Variants in GALNT17 observed in about 807,000 individuals in gnomAD.
GALNT17 encodes polypeptide N-acetylgalactosaminyltransferase 17.
A neutral mutation model predicts 63.7 loss-of-function variants in GALNT17; 29 were observed. The ratio of observed to expected loss-of-function variants is 0.46; its 90% CI spans 0.34 to 0.62. GALNT17 has a LOEUF of 0.62. Among genes scored for constraint, GALNT17 ranks in the 20% least tolerant of loss-of-function variants. The pLI is 0.01. For missense variants in GALNT17, 603 were observed against 799.6 expected (o/e 0.75, Z 2.97); for synonymous variants, 305 against 318.3 (o/e 0.96, Z 0.45).
intron 2 of GALNT17, among the ~76,000 whole-genome samples, chr7:71,383,950 A>G (rs747366682): frequency 3.0e-4 from 45 of 152,122 alleles, no homozygotes; most frequent in Non-Finnish European, 5.3e-4. Context: ...CTCTGCTTTC[A>G]GTTCTTCTGG....
At chr7:71,205,634 A>G (rs1477546169) in intron 1 of GALNT17, among the ~76,000 whole-genome samples, 1 of 152,058 alleles carries the variant, frequency 6.6e-6, no homozygotes, top group Non-Finnish European at 1.5e-5. Flanking sequence ...TATGTTGCCT[A>G]GGCTGGTTTT....
chr7:71,696,745 G>A (rs376579468), intron 9 of GALNT17, among the ~76,000 whole-genome samples: 4 of 152,144 alleles, frequency 2.6e-5, no homozygotes, highest in East Asian at 1.9e-4. Context: ...AATGCATTAG[G>A]GTGTGGATAA....
intron 5 of GALNT17, among the ~76,000 whole-genome samples, chr7:71,540,965 G>A (rs1022184580): frequency 3.0e-4 from 45 of 152,080 alleles, no homozygotes; most frequent in African/African-American, 7.9e-4. Context: ...CCAGCCGGGC[G>A]CGGTGGCTCA....
intron 1 of GALNT17, among the ~76,000 whole-genome samples, chr7:71,283,701 C>T (rs1233956913): frequency 1.3e-5 from 2 of 152,004 alleles, no homozygotes; most frequent in Non-Finnish European, 2.9e-5. Flanking sequence ...CCCATGCTGC[C>T]GTTCTTGTGA....
intron 1 of GALNT17, among the ~76,000 whole-genome samples, chr7:71,253,733 G>GT: frequency 6.6e-6 from 1 of 152,044 alleles, no homozygotes; most frequent in East Asian, 1.9e-4. Flanking sequence ...ATAGGTACAG[G>GT]TAAGAATTTC....
chr7:71,339,988 A>G (rs540199079), intron 2 of GALNT17, among the ~76,000 whole-genome samples: 1 of 152,352 alleles, frequency 6.6e-6, no homozygotes, highest in African/African-American at 2.4e-5. Flanking sequence ...AAATTTTGGA[A>G]GATGGAAAGA....
At chr7:71,464,260 A>G (rs530459065) in intron 5 of GALNT17, among the ~76,000 whole-genome samples, 1 of 152,272 alleles carries the variant, frequency 6.6e-6, no homozygotes, top group South Asian at 2.1e-4. Flanking sequence ...GTTGAACTTG[A>G]TCAGGTATCA....
At chr7:71,369,840 A>C (rs1792588970) in intron 2 of GALNT17, among the ~76,000 whole-genome samples, 1 of 150,206 alleles carries the variant, frequency 6.7e-6, no homozygotes, top group African/African-American at 2.4e-5. Flanking sequence ...AAAAAAAAGA[A>C]CAAAAACTAT....
intron 5 of GALNT17, among the ~76,000 whole-genome samples, chr7:71,501,124 A>G (rs991272539): frequency 6.6e-6 from 1 of 151,126 alleles, no homozygotes; most frequent in Non-Finnish European, 1.5e-5. Flanking sequence ...CGCTACCACC[A>G]TGCTCAGCTA....
At chr7:71,234,136 C>T (rs1483412381) in intron 1 of GALNT17, among the ~76,000 whole-genome samples, 2 of 152,194 alleles carry the variant, frequency 1.3e-5, no homozygotes, top group African/African-American at 2.4e-5. Context: ...CATATCAACA[C>T]ACTTCTTGCT....
intron 1 of GALNT17, among the ~76,000 whole-genome samples, chr7:71,242,556 C>T (rs181562274): frequency 1.4e-4 from 21 of 152,240 alleles, no homozygotes; most frequent in Non-Finnish European, 2.9e-4. Flanking sequence ...GTGTGAGCCA[C>T]CGCGCCTGGT....
intron 1 of GALNT17, among the ~76,000 whole-genome samples, chr7:71,149,120 G>A (rs1306997750): frequency 6.6e-6 from 1 of 151,784 alleles, no homozygotes; most frequent in Non-Finnish European, 1.5e-5. Flanking sequence ...GAGTCTTGCT[G>A]TGTTGCCCGG....
chr7:71,565,931 C>A (rs910599474), intron 5 of GALNT17, among the ~76,000 whole-genome samples: 1 of 149,386 alleles, frequency 6.7e-6, no homozygotes, highest in Admixed American at 6.7e-5. Flanking sequence ...GCAACCTCTG[C>A]CTCCTGGGTT....
rs1316036947 is a variant in GALNT17, at chr7:71,163,050, G to A, written c.238+30010G>A. 3.3e-5 allele frequency among the ~76,000 whole-genome samples: 5 copies of A among 152,350 alleles called. No individual in the cohort carries two copies. In the East Asian group the frequency reaches 9.6e-4, roughly 29 times the overall value. ...GGCAACTTGGATATGTTTGGAGGTA[G>A]TGAGAAGTGGTCAGATCCTGAATAT... On this transcript the variant is annotated intron_variant, in intron 1 of 10. Coordinates refer to ENST00000333538, the MANE Select transcript of GALNT17 (RefSeq NM_022479.3).
At position 71,311,931 on chromosome 7, in the gene GALNT17, C is replaced by T. The variant is rs759438281; in HGVS notation, c.239-23619C>T. ...TAGGAGGTAGAACTTGACTCTGGAC[C>T]GGATTGAAGACTGGTTGAAACAGGG... is the stretch of plus-strand genomic sequence containing the variant. On this transcript the variant is annotated intron_variant, in intron 1 of 10. Coordinates refer to ENST00000333538, the MANE Select transcript of GALNT17 (RefSeq NM_022479.3). Among the ~76,000 whole-genome samples, 6 of 152,080 alleles carry T rather than the reference C, an allele frequency of 3.9e-5. No individual in the cohort carries two copies. In the East Asian group the frequency reaches 5.8e-4, roughly 15 times the overall value.
At chr7:71,281,479 C>T (rs184270974) in intron 1 of GALNT17, among the ~76,000 whole-genome samples, 12 of 152,348 alleles carry the variant, frequency 7.9e-5, no homozygotes, top group Non-Finnish European at 1.3e-4. Context: ...AATTTCAAAA[C>T]GGCTGCTGCA....
Position 71,572,504 on chromosome 7 carries a change from TAAAAA to T in GALNT17, c.1080+1124_1080+1128del, listed in dbSNP as rs371372359. ...GCAACAGAGCAAGACCCTGTCTCAT[TAAAAA>T]AAAAAAAAAAAAAAAAAAAAACTAC... On this transcript the variant is annotated intron_variant, in intron 6 of 10. Transcript: ENST00000333538. 1.1e-4 allele frequency among the ~76,000 whole-genome samples: 5 copies of T among 44,504 alleles called. 1 individual carries two copies. Among genetic ancestry groups the T allele is most frequent in the African/African-American group, 5.2e-4 (5 of 9,612 alleles). 29.2% of individuals were successfully genotyped at this position (44,504 alleles called of 152,430 possible).
intron 1 of GALNT17, among the ~76,000 whole-genome samples, chr7:71,263,047 G>A (rs1262479324): frequency 3.3e-5 from 5 of 152,090 alleles, no homozygotes; most frequent in Admixed American, 2.0e-4. Flanking sequence ...AAGACCATAT[G>A]AGGTTGCACA....
At chr7:71,616,226 G>T (rs1410375434) in intron 6 of GALNT17, among the ~76,000 whole-genome samples, 2 of 151,980 alleles carry the variant, frequency 1.3e-5, no homozygotes, top group Non-Finnish European at 2.9e-5. Flanking sequence ...GTACCCTAGG[G>T]TGGGCGATTC....
Sources: allele counts gnomAD v4.1 joint callset (sites outside exome capture counted in the v4.1 genomes callset), GRCh38; gene constraint gnomAD v4.1.1; transcripts MANE v1.5; gene names NCBI Gene and HGNC (gene_info 2026-07-23, HGNC 2026-07-21).